Variants in SLC10A7 observed in about 807,000 individuals in gnomAD.
The protein encoded by SLC10A7 is solute carrier family 10 member 7, also known as sodium/bile acid cotransporter 7.
A neutral mutation model predicts 43.2 loss-of-function variants in SLC10A7; 29 were observed. The observed-to-expected ratio is 0.67, with a 90% CI of 0.50 to 0.92. SLC10A7 has a LOEUF of 0.92. SLC10A7 is among the 40% of genes least tolerant of loss of function. SLC10A7 has a pLI of 0.00. For missense variants in SLC10A7, 295 were observed against 403.2 expected, an observed-to-expected ratio of 0.73 and a Z score of 2.30; for synonymous variants, 152 against 144.8, an observed-to-expected ratio of 1.05 and a Z score of -0.35.
intron 4 of SLC10A7, among the ~76,000 whole-genome samples, chr4:146,478,589 C>T (rs1183736369): frequency 6.6e-6 from 1 of 152,066 alleles, no homozygotes; most frequent in African/African-American, 2.4e-5. Context: ...TGGGTGATGA[C>T]TGATAAAACA....
chr4:146,301,741 A>G (rs1451926493), intron 7 of SLC10A7, among the ~76,000 whole-genome samples: 2 of 152,072 alleles, frequency 1.3e-5, no homozygotes, highest in East Asian at 3.9e-4. Flanking sequence ...AAGGAGAGGG[A>G]GGAGGTAAGG....
chr4:146,435,566 C>T (rs1236221548), intron 5 of SLC10A7, among the ~76,000 whole-genome samples: 8 of 152,112 alleles, frequency 5.3e-5, no homozygotes, highest in Non-Finnish European at 7.4e-5. Flanking sequence ...GAATCTTAAT[C>T]GTTTGGCTCA....
intron 6 of SLC10A7, among the ~76,000 whole-genome samples, chr4:146,322,895 C>T (rs1732828312): frequency 6.6e-6 from 1 of 152,246 alleles, no homozygotes; most frequent in Non-Finnish European, 1.5e-5. Context: ...TGTTTCCTGA[C>T]TTTTTAATGA....
intron 4 of SLC10A7, among the ~76,000 whole-genome samples, chr4:146,458,466 T>C (rs1432376944): frequency 1.3e-5 from 2 of 151,788 alleles, no homozygotes; most frequent in African/African-American, 4.8e-5. Flanking sequence ...TAAAATAAAA[T>C]GGAGACTAGG....
intron 5 of SLC10A7, among the ~76,000 whole-genome samples, chr4:146,418,900 C>G (rs1042149957): frequency 1.3e-5 from 2 of 152,190 alleles, no homozygotes; most frequent in Non-Finnish European, 2.9e-5. Flanking sequence ...TTCCCACAAC[C>G]CCTCCTCATG....
intron 4 of SLC10A7, among the ~76,000 whole-genome samples, chr4:146,448,026 A>G (rs1731257917): frequency 6.6e-6 from 1 of 151,830 alleles, no homozygotes; most frequent in African/African-American, 2.4e-5. Flanking sequence ...ATGAGAACAC[A>G]TGGACACAGG....
chr4:146,516,478 GTATATA>G (rs1241072885), intron 2 of SLC10A7, among the ~76,000 whole-genome samples: 9 of 141,558 alleles, frequency 6.4e-5, no homozygotes, highest in African/African-American at 1.3e-4. Flanking sequence ...ATGTATATGT[GTATATA>G]TATACACATA....
In SLC10A7 at chr4:146,296,290, ATTG is replaced by A. The variant is rs150214323; in HGVS notation, c.556-2198_556-2196del. ...TAAAATTTTGTATTATTTTTATTGCATTGTTATTTATTTTTTCCCAATATTTTT... is the reference window on the plus strand; with the variant it reads ...TAAAATTTTGTATTATTTTTATTGCATTATTTATTTTTTCCCAATATTTTT... On this transcript the variant is annotated intron_variant, in intron 7 of 11. Coordinates refer to ENST00000335472, the MANE Select transcript of SLC10A7 (RefSeq NM_001029998.6). Among the ~76,000 whole-genome samples the A allele has an allele frequency of 2.3e-3, 344 of 152,194 alleles. 2 individuals carry two copies. The highest frequency in any genetic ancestry group is 8.0e-3 in the African/African-American group (333 of 41,538).
chr4:146,338,279 T>C (rs184060382), intron 5 of SLC10A7, among the ~76,000 whole-genome samples: 39 of 152,150 alleles, frequency 2.6e-4, no homozygotes, highest in East Asian at 1.4e-3. Context: ...GAATGCCTAC[T>C]GTGTATATGT....
chr4:146,347,868 T>C (rs1171401410), intron 5 of SLC10A7, among the ~76,000 whole-genome samples: 1 of 151,808 alleles, frequency 6.6e-6, no homozygotes. Flanking sequence ...ACAGGATAGG[T>C]GAAAAGAGGA....
At chr4:146,391,582 C>T (rs1252795568) in intron 5 of SLC10A7, among the ~76,000 whole-genome samples, 4 of 152,166 alleles carry the variant, frequency 2.6e-5, no homozygotes, top group East Asian at 1.9e-4. Context: ...TTCATTGAGC[C>T]GCTGGTCAAT....
rs969480873 is a variant in SLC10A7 at position 146,492,066 on chromosome 4, A to G, written c.396+11783T>C. Among the ~76,000 whole-genome samples the G allele has an allele frequency of 2.0e-5, 3 of 151,888 alleles. No homozygotes were observed. The South Asian group carries it at 6.2e-4, about 32-fold the overall frequency. Reference sequence around the variant, plus strand: ...CCCCATTTCTACTAAAAATACCAAAAAAAATTAGCTGGGCGTGGTGGCGGG... The same window carrying G: ...CCCCATTTCTACTAAAAATACCAAAGAAAATTAGCTGGGCGTGGTGGCGGG... On this transcript the variant is annotated intron_variant, in intron 4 of 11. Coordinates refer to ENST00000335472, the MANE Select transcript of SLC10A7 (RefSeq NM_001029998.6).
intron 3 of SLC10A7, among the ~76,000 whole-genome samples, chr4:146,505,141 G>A (rs2150033939): frequency 6.6e-6 from 1 of 152,234 alleles, no homozygotes; most frequent in South Asian, 2.1e-4. Context: ...TAACAACATG[G>A]ATTTGAAATG....
chr4:146,345,583 C>A (rs1163413252), intron 5 of SLC10A7, among the ~76,000 whole-genome samples: 1 of 152,076 alleles, frequency 6.6e-6, no homozygotes, highest in Non-Finnish European at 1.5e-5. Context: ...AGTCTTTCTG[C>A]CATTATAGAT....
In SLC10A7 at chr4:146,505,391, T is replaced by C. The variant is rs191018754; in HGVS notation, c.321-1467A>G. 2.7e-3 allele frequency among the ~76,000 whole-genome samples: 415 copies of C among 152,322 alleles called. 2 individuals carry two copies. The highest frequency in any genetic ancestry group is 5.0e-3 in the Non-Finnish European group (337 of 68,022). ...ATACATGTAATATATGAAATATATA[T>C]TAATCGACTCTTTATATTATAGGTA... On this transcript the variant is annotated intron_variant, in intron 3 of 11. Coordinates refer to ENST00000335472, the MANE Select transcript of SLC10A7 (RefSeq NM_001029998.6).
At chr4:146,387,337 TC>T (rs1465447761) in intron 5 of SLC10A7, among the ~76,000 whole-genome samples, 1 of 152,166 alleles carries the variant, frequency 6.6e-6, no homozygotes, top group African/African-American at 2.4e-5. Flanking sequence ...TAAATGTGAT[TC>T]GCCACATAAA....
intron 5 of SLC10A7, among the ~76,000 whole-genome samples, chr4:146,387,910 G>GA: frequency 6.6e-6 from 1 of 152,208 alleles, no homozygotes; most frequent in East Asian, 1.9e-4. Flanking sequence ...AAATACTGAT[G>GA]AAAGAAACCA....
chr4:146,256,809 G>T, intron 11 of SLC10A7: 1 of 1,501,918 alleles, frequency 6.7e-7, no homozygotes, highest in Non-Finnish European at 9.0e-7. Flanking sequence ...CAAAGCAGAG[G>T]AGGCACTCAT....
intron 4 of SLC10A7, among the ~76,000 whole-genome samples, chr4:146,499,737 T>C (rs1736226528): frequency 6.6e-6 from 1 of 152,178 alleles, no homozygotes; most frequent in East Asian, 1.9e-4. Flanking sequence ...ATCATGAAGC[T>C]ATACAATATA....
Sources: gnomAD v4.1 joint callset for allele counts (sites outside exome capture counted in the v4.1 genomes callset) on GRCh38, gnomAD v4.1.1 for gene constraint, MANE v1.5 for transcripts, NCBI Gene and HGNC (gene_info 2026-07-23, HGNC 2026-07-21) for gene names.